The following CMIP variants were observed in gnomAD, a reference collection of about 807,000 sequenced individuals.
The protein encoded by CMIP is C-Maf-inducing protein.
In CMIP, 13 loss-of-function variants were observed where a neutral mutation model predicts 97.3. The ratio of observed to expected loss-of-function variants is 0.13; its 90% CI spans 0.09 to 0.21. CMIP has a LOEUF of 0.21. Ranked by LOEUF, CMIP falls within the 10% of genes least tolerant of loss-of-function variation. The pLI, the probability that CMIP is intolerant of heterozygous loss-of-function variation, is 1.00. For missense variants in CMIP, 847 were observed against 1,024.9 expected (o/e 0.83, Z 2.37); for synonymous variants, 538 against 436.3 (o/e 1.23, Z -2.91).
intron 1 of CMIP, among the ~76,000 whole-genome samples, chr16:81,494,181 G>A (rs1191630134): frequency 6.6e-6 from 1 of 152,108 alleles, no homozygotes; most frequent in Non-Finnish European, 1.5e-5. Context: ...GGCAGTTACC[G>A]GGGCCTCAGA....
chr16:81,627,953 C>G lies in CMIP; in HGVS notation c.477+7027C>G, dbSNP rs1460588327. Among the ~76,000 whole-genome samples, 1 of 152,118 alleles carries G rather than the reference C, an allele frequency of 6.6e-6. No individual in the cohort carries two copies. Among genetic ancestry groups the G allele is most frequent in the Non-Finnish European group, 1.5e-5 (1 of 67,994 alleles). ...CCTGACGGGAAGCTGAGGGCAGGGC[C>G]TGGGTCATGTCCCCACTGGCTGCAC... On this transcript the variant is annotated intron_variant, in intron 3 of 20. Coordinates refer to ENST00000537098, the MANE Select transcript of CMIP (RefSeq NM_198390.3). This position sits in a 1 kb window ranked among gnomAD's most constrained non-coding sequence, Gnocchi z 4.6.
chr16:81,552,420 CTGGGCTATGTTAGG>C (rs1198479222), intron 1 of CMIP, among the ~76,000 whole-genome samples: 1 of 152,172 alleles, frequency 6.6e-6, no homozygotes, highest in Non-Finnish European at 1.5e-5. Context: ...ACAGATCCCC[CTGGGCTATGTTAGG>C]TGGGCTATGT....
At chr16:81,585,505 G>A (rs2091367059) in intron 1 of CMIP, among the ~76,000 whole-genome samples, 3 of 152,128 alleles carry the variant, frequency 2.0e-5, no homozygotes, top group African/African-American at 7.2e-5. Context: ...CATGACAGCC[G>A]TCTGATTTCT....
At chr16:81,493,371 C>T (rs2966089) in intron 1 of CMIP, among the ~76,000 whole-genome samples, 1 of 149,978 alleles carries the variant, frequency 6.7e-6, no homozygotes, top group East Asian at 1.9e-4. Context: ...CGTTACCTGT[C>T]GTTACCTGTC....
chr16:81,607,168 G>A (rs940273891), intron 1 of CMIP, among the ~76,000 whole-genome samples: 33 of 152,364 alleles, frequency 2.2e-4, no homozygotes, highest in African/African-American at 7.5e-4. Context: ...ATGCATATCC[G>A]TGGGGAGAGG....
intron 1 of CMIP, chr16:81,517,956 C>A (rs2089948279): frequency 2.0e-6 from 2 of 975,998 alleles, no homozygotes; most frequent in Admixed American, 6.2e-5. Context: ...AAAATGAACG[C>A]CAGTGGATGT....
chr16:81,580,801 A>G (rs1311326311), intron 1 of CMIP, among the ~76,000 whole-genome samples: 1 of 152,030 alleles, frequency 6.6e-6, no homozygotes, highest in African/African-American at 2.4e-5. Flanking sequence ...TGTCTCAAAA[A>G]CAAACAAACA....
At chr16:81,612,258 C>T (rs985942083) in intron 2 of CMIP, among the ~76,000 whole-genome samples, 1 of 152,152 alleles carries the variant, frequency 6.6e-6, no homozygotes, top group Admixed American at 6.5e-5. Context: ...TAGACAGAGC[C>T]GCTGCTCCAC....
intron 1 of CMIP, among the ~76,000 whole-genome samples, chr16:81,539,863 A>G (rs1022243615): frequency 6.6e-6 from 1 of 152,202 alleles, no homozygotes; most frequent in East Asian, 1.9e-4. Context: ...GATTCATAGC[A>G]CAATTTACAT....
chr16:81,603,237 G>T (rs867885200), intron 1 of CMIP, among the ~76,000 whole-genome samples: 3 of 151,968 alleles, frequency 2.0e-5, no homozygotes, highest in Non-Finnish European at 4.4e-5. Context: ...CCGCCACCAC[G>T]CCTGGCTCGT....
intron 1 of CMIP, among the ~76,000 whole-genome samples, chr16:81,586,458 A>G (rs1476526974): frequency 6.6e-6 from 1 of 152,110 alleles, no homozygotes; most frequent in Non-Finnish European, 1.5e-5. Flanking sequence ...CCTCTTCACA[A>G]GGCCTGTTCA....
chr16:81,471,211 C>T (rs915505233), intron 1 of CMIP, among the ~76,000 whole-genome samples: 1 of 152,202 alleles, frequency 6.6e-6, no homozygotes, highest in African/African-American at 2.4e-5. Context: ...CATGCGCACA[C>T]ACATACATGT....
At chr16:81,550,256 G>C (rs2090626631) in intron 1 of CMIP, among the ~76,000 whole-genome samples, 1 of 152,212 alleles carries the variant, frequency 6.6e-6, no homozygotes, top group African/African-American at 2.4e-5. Context: ...CAAGCTCTCT[G>C]AGCCTCAGTC....
intron 1 of CMIP, chr16:81,520,556 G>A (rs2090000010): frequency 7.0e-6 from 1 of 143,336 alleles, no homozygotes; most frequent in Non-Finnish European, 1.5e-5. Context: ...GAGAGGGAGG[G>A]AGGGAGGAAG....
At chr16:81,663,026 G>A (rs1384119393) in intron 6 of CMIP, among the ~76,000 whole-genome samples, 1 of 151,498 alleles carries the variant, frequency 6.6e-6, no homozygotes, top group East Asian at 1.9e-4. Flanking sequence ...ATCTGAAATA[G>A]TCTCAAGCTT....
intron 1 of CMIP, among the ~76,000 whole-genome samples, chr16:81,456,217 A>C (rs113221268): frequency 4.0e-4 from 61 of 152,342 alleles, no homozygotes; most frequent in African/African-American, 1.5e-3. Context: ...GATGATAGTC[A>C]TGTCCAAGGT....
At chr16:81,563,064 G>C (rs751610319) in intron 1 of CMIP, among the ~76,000 whole-genome samples, 2 of 152,202 alleles carry the variant, frequency 1.3e-5, no homozygotes, top group Non-Finnish European at 2.9e-5. Context: ...GCAAGGCGCT[G>C]ACCCGCCAGA....
At chr16:81,625,173 G>A (rs999154601) in intron 3 of CMIP, among the ~76,000 whole-genome samples, 4 of 152,222 alleles carry the variant, frequency 2.6e-5, no homozygotes, top group Admixed American at 6.5e-5. Context: ...CCTGGCCTCT[G>A]CCATGTTGGT....
intron 1 of CMIP, among the ~76,000 whole-genome samples, chr16:81,574,295 C>T (rs907420211): frequency 7.0e-6 from 1 of 143,362 alleles, no homozygotes. Context: ...GCTTGGCCAC[C>T]CTGCCACCTC....
Sources: allele counts gnomAD v4.1 joint callset (sites outside exome capture counted in the v4.1 genomes callset), GRCh38; gene constraint gnomAD v4.1.1; non-coding constraint Gnocchi (gnomAD v3.1); transcripts MANE v1.5; gene names NCBI Gene and HGNC (gene_info 2026-07-23, HGNC 2026-07-21).